Variants in ATP6V0A4 observed in about 807,000 individuals in gnomAD.
ATP6V0A4 encodes the protein V-type proton ATPase 116 kDa subunit a 4.
ATP6V0A4 carries 86 observed loss-of-function variants against 107.3 expected under a neutral mutation model. That is an observed-to-expected ratio of 0.80 (90% confidence interval 0.67 to 0.96). The LOEUF (loss-of-function observed/expected upper bound fraction) is 0.96, where lower values mean the gene tolerates loss of function less well. Ranked by LOEUF, ATP6V0A4 falls within the 40% of genes least tolerant of loss-of-function variation. ATP6V0A4 has a pLI of 0.00. For synonymous variants in ATP6V0A4, 353 were observed against 381.4 expected (o/e 0.93, Z 0.87); for missense variants, 908 against 1,045.6 (o/e 0.87, Z 1.81).
At chr7:138,750,866 A>T (rs1037881700) in intron 11 of ATP6V0A4, among the ~76,000 whole-genome samples, 1 of 152,180 alleles carries the variant, frequency 6.6e-6, no homozygotes, top group African/African-American at 2.4e-5. Context: ...CCTCCTGGCT[A>T]TAGGACTGTA....
At chr7:138,751,020 A>C in intron 11 of ATP6V0A4, among the ~76,000 whole-genome samples, 2 of 151,350 alleles carry the variant, frequency 1.3e-5, no homozygotes, top group South Asian at 2.1e-4. Context: ...CCCGCCCCCA[A>C]CCTTCCCATG....
At chr7:138,722,928 C>T (rs1804502505) in intron 18 of ATP6V0A4, among the ~76,000 whole-genome samples, 1 of 150,936 alleles carries the variant, frequency 6.6e-6, no homozygotes, top group Admixed American at 6.7e-5. Flanking sequence ...CATGGTAGCA[C>T]ATGCCTGTAA....
intron 20 of ATP6V0A4, among the ~76,000 whole-genome samples, chr7:138,711,410 C>G (rs998069107): frequency 6.6e-6 from 1 of 152,142 alleles, no homozygotes; most frequent in Non-Finnish European, 1.5e-5. Flanking sequence ...GTTATCATGC[C>G]CAACAGCCTG....
intron 20 of ATP6V0A4, among the ~76,000 whole-genome samples, chr7:138,711,525 G>C (rs1803742435): frequency 6.6e-6 from 1 of 152,172 alleles, no homozygotes. Context: ...ACACAGGCCT[G>C]CCACTTGCAA....
At chr7:138,707,205 ATATT>A (rs1450904403) in intron 21 of ATP6V0A4, among the ~76,000 whole-genome samples, 1 of 83,864 alleles carries the variant, frequency 1.2e-5, no homozygotes, top group Non-Finnish European at 2.1e-5. Flanking sequence ...ATTATATAAT[ATATT>A]ATATTATATA....
In ATP6V0A4 at chr7:138,721,894, T is replaced by C. The variant is rs767777895; in HGVS notation, c.2139+3A>G. On this transcript the variant is annotated splice_donor_region_variant and intron_variant, in intron 19 of 21. Coordinates refer to ENST00000310018, the MANE Select transcript of ATP6V0A4 (RefSeq NM_020632.3). ...CTTCCTCAGGGGCTCTCGTCCCAGA[T>C]ACCTCTTCTCCATGGTCGTCCAGAG... The C allele has an allele frequency of 4.5e-5, 72 of 1,613,882 alleles. No homozygotes were observed. Among genetic ancestry groups the C allele is most frequent in the Middle Eastern group, 3.3e-4 (2 of 6,082 alleles).
At chr7:138,776,274 TGTG>T (rs1807653795) in intron 2 of ATP6V0A4, among the ~76,000 whole-genome samples, 2 of 152,196 alleles carry the variant, frequency 1.3e-5, no homozygotes, top group Non-Finnish European at 2.9e-5. Context: ...AGGCAGCGAT[TGTG>T]AACCTGGGGC....
chr7:138,752,880 G>T, intron 10 of ATP6V0A4, 43 bp from the exon 11 acceptor site: 1 of 1,607,100 alleles, frequency 6.2e-7, no homozygotes, highest in South Asian at 1.1e-5. Context: ...AACCTTCACA[G>T]AGCTGTTTGA....
chr7:138,786,570 C>T (rs1252769030), intron 1 of ATP6V0A4, among the ~76,000 whole-genome samples: 1 of 136,690 alleles, frequency 7.3e-6, no homozygotes, highest in African/African-American at 2.6e-5. Context: ...CAGAGTGAGA[C>T]CTTGTCTCAG....
chr7:138,706,864 G>A (rs1022528320), intron 21 of ATP6V0A4, 147 bp from the exon 22 acceptor site: 18 of 1,209,096 alleles, frequency 1.5e-5, no homozygotes, highest in South Asian at 2.7e-5. Flanking sequence ...CACCCAGGCT[G>A]ATGGCTGCCA....
intron 19 of ATP6V0A4, among the ~76,000 whole-genome samples, chr7:138,720,090 C>T (rs912419860): frequency 2.0e-5 from 3 of 152,012 alleles, no homozygotes; most frequent in Non-Finnish European, 2.9e-5. Flanking sequence ...CATTTTGGCC[C>T]CAAAGGACCC....
chr7:138,759,664 AG>A (rs1285165947), intron 8 of ATP6V0A4, 87 bp downstream of exon 8: 1 of 1,401,414 alleles, frequency 7.1e-7, no homozygotes, highest in African/African-American at 1.4e-5. Context: ...ATCAAACTAA[AG>A]ATCCCCCATG....
intron 3 of ATP6V0A4, among the ~76,000 whole-genome samples, chr7:138,769,542 T>C (rs1370592462): frequency 6.6e-6 from 1 of 152,126 alleles, no homozygotes; most frequent in Non-Finnish European, 1.5e-5. Context: ...CTCAAGCTCC[T>C]GACCTCAGGT....
At chr7:138,714,095 A>T (rs1490573545) in intron 20 of ATP6V0A4, among the ~76,000 whole-genome samples, 2 of 147,062 alleles carry the variant, frequency 1.4e-5, no homozygotes, top group African/African-American at 5.1e-5. Flanking sequence ...AAAAAAAAAA[A>T]TTGGCCCAGG....
intron 19 of ATP6V0A4, among the ~76,000 whole-genome samples, chr7:138,718,885 TAAGA>T (rs1804291612): frequency 6.6e-6 from 1 of 152,034 alleles, no homozygotes; most frequent in Non-Finnish European, 1.5e-5. Context: ...AAGAACTGCA[TAAGA>T]AAGAATTCAT....
intron 8 of ATP6V0A4, 118 bp from the exon 9 acceptor site, chr7:138,756,658 G>A: frequency 7.4e-7 from 1 of 1,355,166 alleles, no homozygotes; most frequent in Non-Finnish European, 1.0e-6. Flanking sequence ...TTAAAACTGG[G>A]AAACTGTAAC....
chr7:138,748,787 T>C (rs1291153602), intron 12 of ATP6V0A4, among the ~76,000 whole-genome samples: 2 of 152,200 alleles, frequency 1.3e-5, no homozygotes, highest in Non-Finnish European at 2.9e-5. Context: ...TTCTGTGTAC[T>C]GGTGTCTTTC....
At chr7:138,735,978 GA>G (rs2117247262) in intron 15 of ATP6V0A4, among the ~76,000 whole-genome samples, 1 of 152,088 alleles carries the variant, frequency 6.6e-6, no homozygotes, top group African/African-American at 2.4e-5. Flanking sequence ...AGAGGCAGAA[GA>G]ATCACTTGAA....
intron 9 of ATP6V0A4, 152 bp from the exon 10 acceptor site, chr7:138,755,934 C>CA (rs1806491096): frequency 3.6e-6 from 5 of 1,401,886 alleles, no homozygotes; most frequent in Non-Finnish European, 4.8e-6. Context: ...AAAGGAGTCC[C>CA]AGTCATAAGG....
Sources: gnomAD v4.1 joint callset for allele counts (sites outside exome capture counted in the v4.1 genomes callset) on GRCh38, gnomAD v4.1.1 for gene constraint, MANE v1.5 for transcripts, NCBI Gene and HGNC (gene_info 2026-07-23, HGNC 2026-07-21) for gene names.